Variants in DYM observed in about 807,000 individuals in gnomAD.
DYM encodes dymeclin.
In DYM, 78 loss-of-function variants were observed where a neutral mutation model predicts 93.1. The observed-to-expected ratio is 0.84, with a 90% CI of 0.70 to 1.01. The LOEUF is 1.01. Ranked by LOEUF, DYM falls within the 50% of genes least tolerant of loss-of-function variation. The pLI is 0.00. For missense variants in DYM, 789 were observed against 845.0 expected, an observed-to-expected ratio of 0.93 and a Z score of 0.82; for synonymous variants, 321 against 319.7, an observed-to-expected ratio of 1.00 and a Z score of -0.04.
intron 11 of DYM, among the ~76,000 whole-genome samples, chr18:49,261,344 G>T (rs914093657): frequency 6.6e-6 from 1 of 152,138 alleles, no homozygotes; most frequent in African/African-American, 2.4e-5. Context: ...ACTACATGGT[G>T]GTTAAATATT....
At chr18:49,243,666 C>CAAAAAAA (rs59748721) in intron 13 of DYM, among the ~76,000 whole-genome samples, 2 of 114,226 alleles carry the variant, frequency 1.8e-5, no homozygotes, top group Admixed American at 9.3e-5. Context: ...GGCTCTGTCT[C>CAAAAAAA]AAAAAAAAAA....
chr18:49,144,619 T>C (rs952352231), intron 15 of DYM, among the ~76,000 whole-genome samples: 7 of 152,200 alleles, frequency 4.6e-5, no homozygotes, highest in African/African-American at 1.7e-4. Flanking sequence ...AAAGCTGTTA[T>C]TGGGTTGGTC....
In DYM at chr18:49,167,003, T is replaced by C. The variant is rs1207431947; in HGVS notation, c.1626-3216A>G. Among the ~76,000 whole-genome samples the C allele has an allele frequency of 5.1e-5, 7 of 136,486 alleles. No homozygotes were observed. The South Asian group carries it at 1.1e-3, about 22-fold the overall frequency. The allele number at this position is 136,486 out of a possible 152,430, so 89.5% of individuals were successfully genotyped here. On this transcript the variant is annotated intron_variant, in intron 14 of 17. Transcript: ENST00000675505. ...TTCTCACATTCCGTGTGTGTGTGTG[T>C]GTGTGTGTGTGTGTGTGTGTGTGTG...
At chr18:49,343,781 T>C (rs1414958968) in intron 6 of DYM, among the ~76,000 whole-genome samples, 1 of 152,104 alleles carries the variant, frequency 6.6e-6, no homozygotes, top group Admixed American at 6.6e-5. Context: ...AACTCCCAGC[T>C]TCTAAACACT....
At chr18:49,197,188 G>C (rs1224110898) in intron 14 of DYM, among the ~76,000 whole-genome samples, 1 of 152,178 alleles carries the variant, frequency 6.6e-6, no homozygotes, top group African/African-American at 2.4e-5. Flanking sequence ...CAAGGGCTCA[G>C]AGTTTCAGCT....
chr18:49,420,321 C>T (rs1482033342), intron 2 of DYM, among the ~76,000 whole-genome samples: 1 of 152,116 alleles, frequency 6.6e-6, no homozygotes, highest in Non-Finnish European at 1.5e-5. Context: ...GCGCCCGCCA[C>T]CACGCCTGGC....
intron 13 of DYM, among the ~76,000 whole-genome samples, chr18:49,224,578 C>T (rs2093466183): frequency 6.6e-6 from 1 of 151,982 alleles, no homozygotes; most frequent in Non-Finnish European, 1.5e-5. Context: ...AGGGTACAGC[C>T]TTCATGTATG....
intron 8 of DYM, among the ~76,000 whole-genome samples, chr18:49,294,708 A>C (rs1452249786): frequency 1.3e-5 from 2 of 152,180 alleles, no homozygotes; most frequent in Admixed American, 1.3e-4. Context: ...TTTTCATATT[A>C]AACATGCTAC....
At chr18:49,390,011 C>T (rs1225939664) in intron 3 of DYM, among the ~76,000 whole-genome samples, 2 of 152,192 alleles carry the variant, frequency 1.3e-5, no homozygotes, top group Non-Finnish European at 2.9e-5. Context: ...TGAATTGCGA[C>T]ATGGCTTTTG....
intron 14 of DYM, among the ~76,000 whole-genome samples, chr18:49,194,210 G>A (rs1430702594): frequency 1.3e-5 from 2 of 152,190 alleles, no homozygotes; most frequent in Non-Finnish European, 2.9e-5. Flanking sequence ...CAGCCCAGAG[G>A]AAGAGCATCC....
At chr18:49,346,836 G>A (rs1355156677) in intron 6 of DYM, among the ~76,000 whole-genome samples, 1 of 152,096 alleles carries the variant, frequency 6.6e-6, no homozygotes, top group Non-Finnish European at 1.5e-5. Flanking sequence ...GATGCTCTTT[G>A]ACTAATAATG....
At chr18:49,174,487 T>A (rs1208993463) in intron 14 of DYM, among the ~76,000 whole-genome samples, 1 of 152,156 alleles carries the variant, frequency 6.6e-6, no homozygotes, top group African/African-American at 2.4e-5. Flanking sequence ...ACTACTTCAT[T>A]ATCTCTTATA....
chr18:49,145,130 T>C (rs1477019251), intron 15 of DYM, among the ~76,000 whole-genome samples: 1 of 114,738 alleles, frequency 8.7e-6, no homozygotes, highest in African/African-American at 3.6e-5. Context: ...TATATATATA[T>C]ATATAATTTA....
intron 2 of DYM, among the ~76,000 whole-genome samples, chr18:49,395,778 A>G (rs2069992914): frequency 1.3e-5 from 2 of 152,202 alleles, no homozygotes; most frequent in Non-Finnish European, 2.9e-5. Flanking sequence ...AAAAATTACA[A>G]ATGTTGGCAA....
intron 13 of DYM, among the ~76,000 whole-genome samples, chr18:49,225,201 A>G (rs1027889373): frequency 2.6e-5 from 4 of 152,172 alleles, no homozygotes; most frequent in Non-Finnish European, 5.9e-5. Context: ...GCAAACTAAA[A>G]ATTTATAAAA....
At chr18:49,079,415 A>AT (rs1256663108) in intron 17 of DYM, among the ~76,000 whole-genome samples, 3 of 148,170 alleles carry the variant, frequency 2.0e-5, no homozygotes, top group South Asian at 2.1e-4. Context: ...TTTTATTTTT[A>AT]TTTTTTTTAT....
At chr18:49,063,051 A>G (rs1336267846) in intron 17 of DYM, among the ~76,000 whole-genome samples, 2 of 152,228 alleles carry the variant, frequency 1.3e-5, no homozygotes, top group African/African-American at 2.4e-5. Context: ...AGCAAAATCT[A>G]CAGGAAATGG....
chr18:49,308,728 G>C (rs1599309184), intron 8 of DYM, among the ~76,000 whole-genome samples: 2 of 152,120 alleles, frequency 1.3e-5, no homozygotes, highest in East Asian at 3.9e-4. Context: ...AGACGGGAAG[G>C]GGAAAAGAAC....
chr18:49,270,060 C>T (rs773825694), intron 11 of DYM, among the ~76,000 whole-genome samples: 3 of 152,170 alleles, frequency 2.0e-5, no homozygotes, highest in South Asian at 2.1e-4. Flanking sequence ...ACAGTAACAA[C>T]GCTGTACTGG....
Sources: gnomAD v4.1 joint callset for allele counts (sites outside exome capture counted in the v4.1 genomes callset) on GRCh38, gnomAD v4.1.1 for gene constraint, MANE v1.5 for transcripts, NCBI Gene and HGNC (gene_info 2026-07-23, HGNC 2026-07-21) for gene names.